The following ATPAF1 variants were observed in gnomAD, a reference collection of about 807,000 sequenced individuals.
ATPAF1 encodes ATP synthase mitochondrial F1 complex assembly factor 1.
Under a neutral mutation model 43.9 loss-of-function variants are expected in ATPAF1, and 26 were observed. The ratio of observed to expected loss-of-function variants is 0.59; its 90% CI spans 0.43 to 0.82. ATPAF1 has a LOEUF of 0.82. Among genes scored for constraint, ATPAF1 ranks in the 40% least tolerant of loss-of-function variants. The pLI is 0.00. For missense variants in ATPAF1, 366 were observed against 435.0 expected (o/e 0.84, Z 1.41); for synonymous variants, 157 against 168.0 (o/e 0.93, Z 0.50).
chr1:46,664,426 C>T (rs1489132997), intron 2 of ATPAF1: 1 of 152,532 alleles, frequency 6.6e-6, no homozygotes, highest in Non-Finnish European at 1.5e-5. Flanking sequence ...AGGATTCAGT[C>T]CTTGGCATCT....
At chr1:46,634,870 A>G (rs1187842843), downstream of ATPAF1, 5 of 152,664 alleles carry the variant, frequency 3.3e-5, no homozygotes, top group Admixed American at 2.0e-4. Context: ...GACACAATGG[A>G]CAGTACATAA....
At chr1:46,643,347 A>G in intron 7 of ATPAF1, 46 bp from the exon 8 acceptor site, 1 of 1,440,682 alleles carries the variant, frequency 6.9e-7, no homozygotes, top group East Asian at 2.3e-5. Context: ...TACCATCACA[A>G]CAAACTGCAA....
At chr1:46,660,402 C>T (rs1339078812) in intron 2 of ATPAF1, among the ~76,000 whole-genome samples, 4 of 152,196 alleles carry the variant, frequency 2.6e-5, no homozygotes, top group Non-Finnish European at 5.9e-5. Context: ...TCGGTTTTTA[C>T]ACAATGTCTC....
intron 7 of ATPAF1, among the ~76,000 whole-genome samples, chr1:46,644,298 T>A (rs764717188): frequency 3.8e-4 from 10 of 26,640 alleles, no homozygotes; most frequent in Non-Finnish European, 1.2e-3. Flanking sequence ...GCTCTATCAC[T>A]TATTAGACAA....
At chr1:46,658,033 G>T in intron 4 of ATPAF1, 94 bp downstream of exon 4, 2 of 1,199,346 alleles carry the variant, frequency 1.7e-6, no homozygotes, top group Non-Finnish European at 2.4e-6. Flanking sequence ...ACCTTTCATT[G>T]TGGCTAGAAA....
At chr1:46,638,214 C>A (rs35050319) in intron 8 of ATPAF1, among the ~76,000 whole-genome samples, 24,575 of 152,160 alleles carry the variant, frequency 0.16, 2,567 homozygotes, top group South Asian at 0.27. Context: ...CTGTAGAGTC[C>A]TAGGTGCTCT....
intron 8 of ATPAF1, among the ~76,000 whole-genome samples, chr1:46,639,112 A>G (rs17102361): frequency 6.6e-6 from 1 of 152,216 alleles, no homozygotes; most frequent in African/African-American, 2.4e-5. Flanking sequence ...TTAATAGGCT[A>G]GGTCTTAAAA....
intron 6 of ATPAF1, among the ~76,000 whole-genome samples, chr1:46,651,269 C>G (rs900935530): frequency 1.8e-4 from 27 of 151,816 alleles, no homozygotes; most frequent in Admixed American, 1.4e-3. Flanking sequence ...TTGTTCTTGC[C>G]ATAGTTTACT....
At chr1:46,652,586 G>A (rs1676192226) in exon 6 of ATPAF1, 2 of 1,613,110 alleles carry the variant, frequency 1.2e-6, no homozygotes, top group African/African-American at 1.3e-5. Flanking sequence ...CTTACTGTTG[G>A]ACAGGACTGA....
chr1:46,656,864 G>A (rs575931233), intron 4 of ATPAF1, among the ~76,000 whole-genome samples: 5 of 152,288 alleles, frequency 3.3e-5, no homozygotes, highest in African/African-American at 7.2e-5. Context: ...GATCTGATCC[G>A]TTTTGCGGAG....
chr1:46,664,893 T>G (rs537307658), intron 2 of ATPAF1: 14 of 208,118 alleles, frequency 6.7e-5, no homozygotes, highest in South Asian at 4.4e-4. Flanking sequence ...AAAGTCCCAT[T>G]CCTTCCTCTC....
intron 2 of ATPAF1, among the ~76,000 whole-genome samples, chr1:46,662,140 C>T (rs944321324): frequency 6.6e-6 from 1 of 152,008 alleles, no homozygotes; most frequent in Non-Finnish European, 1.5e-5. Flanking sequence ...GTGATCTGCC[C>T]GCCTTGGCCT....
chr1:46,661,995 C>T lies in ATPAF1; in HGVS notation c.376-3258G>A, dbSNP rs535083424. Among the ~76,000 whole-genome samples, 45 of 151,728 alleles carry T rather than the reference C, an allele frequency of 3.0e-4. 1 individual carries two copies. The highest frequency in any genetic ancestry group is 2.5e-4 in the Non-Finnish European group (17 of 67,948). ...CTGCAGGCTCCGCCTCCTGGCTCCA[C>T]GCCATTCTCCTGCCTCAGCCTCCCG... On this transcript the variant is annotated intron_variant, in intron 2 of 8. Coordinates refer to ENST00000574428, the Ensembl canonical transcript of ATPAF1.
At chr1:46,668,425 ACCGAGGTTCCGCGCGC>A, upstream of ATPAF1, 1 of 1,107,890 alleles carries the variant, frequency 9.0e-7, no homozygotes, top group Non-Finnish European at 1.1e-6. This position sits in a 1 kb window ranked among gnomAD's most constrained non-coding sequence, Gnocchi z 4.4. Context: ...GCGCTCCGGC[ACCGAGGTTCCGCGCGC>A]CCAAGGTTCC....
chr1:46,660,263 C>T (rs1036119033), intron 2 of ATPAF1, among the ~76,000 whole-genome samples: 14 of 152,160 alleles, frequency 9.2e-5, no homozygotes, highest in Admixed American at 7.2e-4. Flanking sequence ...AGGCATGAGC[C>T]ACTGTGCCTG....
In ATPAF1 at chr1:46,668,120, T is replaced by TCGGCCCCGACCC; in HGVS notation, c.191_202dup (p.Gly64_Ala67dup). On this transcript the variant is annotated inframe_insertion, in exon 1 of 9. Coordinates refer to ENST00000574428, the Ensembl canonical transcript of ATPAF1. The surrounding 1 kb of genome is among the most constrained non-coding windows in gnomAD (Gnocchi z 4.4). ...GAAAGGGTTGGCCTGGAGCTCGGCC[T>TCGGCCCCGACCC]CGGCCCCGACCCCGCTGCTGTCGGC... 2.1e-6 allele frequency: 3 copies of TCGGCCCCGACCC among 1,436,806 alleles called. No individual in the cohort carries two copies. Among genetic ancestry groups the TCGGCCCCGACCC allele is most frequent in the Non-Finnish European group, 2.7e-6 (3 of 1,093,590 alleles). The allele number at this position is 1,436,806 out of a possible 1,614,324, so 89.0% of individuals were successfully genotyped here.
chr1:46,668,537 A>G (rs527730764), upstream of ATPAF1: 26 of 501,988 alleles, frequency 5.2e-5, 1 homozygote, highest in South Asian at 2.0e-3. The surrounding 1 kb of genome is among the most constrained non-coding windows in gnomAD (Gnocchi z 4.4). Context: ...CGCCCTGTGT[A>G]TGCCACGGCC....
At chr1:46,652,487 C>CTTATTAGTACAATCA in intron 6 of ATPAF1, 94 bp downstream of exon 6, 60 of 1,257,878 alleles carry the variant, frequency 4.8e-5, no homozygotes, top group Non-Finnish European at 6.5e-5. Flanking sequence ...AGCACTATAA[C>CTTATTAGTACAATCA]ATGTGAGACA....
intron 6 of ATPAF1, among the ~76,000 whole-genome samples, chr1:46,647,058 G>C (rs553749211): frequency 1.3e-5 from 2 of 152,302 alleles, no homozygotes; most frequent in East Asian, 1.9e-4. Flanking sequence ...TGTGACTTCT[G>C]ACTAACCCCA....
Sources: allele counts gnomAD v4.1 joint callset (sites outside exome capture counted in the v4.1 genomes callset), GRCh38; gene constraint gnomAD v4.1.1; non-coding constraint Gnocchi (gnomAD v3.1); transcripts MANE v1.5; gene names NCBI Gene and HGNC (gene_info 2026-07-23, HGNC 2026-07-21).